The following LYRM4 variants were observed in gnomAD, a reference collection of about 807,000 sequenced individuals.
The protein encoded by LYRM4 is LYR motif-containing protein 4.
Under a neutral mutation model 11.7 loss-of-function variants are expected in LYRM4, and 9 were observed. The observed-to-expected ratio is 0.77, with a 90% CI of 0.46 to 1.34. The LOEUF (loss-of-function observed/expected upper bound fraction) is 1.34. Ranked by LOEUF, LYRM4 falls within the 40% of genes most tolerant of loss-of-function variation. The pLI, the probability that LYRM4 is intolerant of heterozygous loss-of-function variation, is 0.00. For missense variants in LYRM4, 133 were observed against 112.5 expected (o/e 1.18, Z -0.82); for synonymous variants, 42 against 40.4 (o/e 1.04, Z -0.15).
chr6:5,217,833 T>C lies in LYRM4; in HGVS notation c.87-1095A>G, dbSNP rs924254708. Among the ~76,000 whole-genome samples, 4 of 152,156 alleles carry C rather than the reference T, an allele frequency of 2.6e-5. No homozygotes were observed. The South Asian group carries it at 8.3e-4, about 31-fold the overall frequency. ...GATGGCTATGGCCTATCTCTAGCTC[T>C]ACCCCAACTACTCCAGATTGAAAGG... On this transcript the variant is annotated intron_variant, in intron 1 of 2. Coordinates refer to ENST00000330636, the MANE Select transcript of LYRM4 (RefSeq NM_020408.6).
chr6:5,127,861 A>G (rs1763768384), intron 2 of LYRM4, among the ~76,000 whole-genome samples: 1 of 152,088 alleles, frequency 6.6e-6, no homozygotes, highest in African/African-American at 2.4e-5. Flanking sequence ...AAAACCTGTG[A>G]TAAAAACAAC....
At chr6:5,114,286 T>G (rs1763023636) in intron 2 of LYRM4, among the ~76,000 whole-genome samples, 1 of 152,258 alleles carries the variant, frequency 6.6e-6, no homozygotes. Context: ...GAGTGCTTGA[T>G]GACCATGGAG....
intron 2 of LYRM4, among the ~76,000 whole-genome samples, chr6:5,182,025 C>T (rs1760105399): frequency 6.6e-6 from 1 of 152,178 alleles, no homozygotes; most frequent in African/African-American, 2.4e-5. Context: ...AATACCTCCC[C>T]CCCAATCCCC....
In LYRM4 at chr6:5,219,674, ATC is replaced by A. The variant is rs1389377196; in HGVS notation, c.87-2938_87-2937del. Among the ~76,000 whole-genome samples the A allele has an allele frequency of 3.3e-5, 5 of 150,294 alleles. No individual in the cohort carries two copies. The East Asian group carries it at 9.7e-4, about 29-fold the overall frequency. On this transcript the variant is annotated intron_variant, in intron 1 of 2. Coordinates refer to ENST00000330636, the MANE Select transcript of LYRM4 (RefSeq NM_020408.6). Reference sequence around the variant, plus strand: ...AGGGGGCTAATCACCAGTTATTTCAATCCTGGCCCTGCCCTGGTTTTTATCAT... The same window carrying A: ...AGGGGGCTAATCACCAGTTATTTCAACTGGCCCTGCCCTGGTTTTTATCAT...
chr6:5,086,578 A>G, the LYRM4 span: 1 of 1,490,312 alleles, frequency 6.7e-7, no homozygotes, highest in South Asian at 1.3e-5. Context: ...GAGAGTTTCG[A>G]AGAGCCGTGG....
At chr6:5,121,822 G>C (rs574219788) in intron 2 of LYRM4, among the ~76,000 whole-genome samples, 3 of 152,334 alleles carry the variant, frequency 2.0e-5, no homozygotes, top group African/African-American at 7.2e-5. Flanking sequence ...AACCACAGCG[G>C]CAAGGCCAGA....
intron 1 of LYRM4, among the ~76,000 whole-genome samples, chr6:5,256,730 C>T (rs1174915309): frequency 6.6e-6 from 1 of 152,046 alleles, no homozygotes; most frequent in African/African-American, 2.4e-5. Context: ...ACTACCTCTG[C>T]TGGGCATCCC....
chr6:5,122,260 T>C (rs370518698), intron 2 of LYRM4, among the ~76,000 whole-genome samples: 1 of 152,096 alleles, frequency 6.6e-6, no homozygotes. Flanking sequence ...CAGAGAATAA[T>C]CACCCACACT....
At chr6:5,064,306 T>C in the LYRM4 span, among the ~76,000 whole-genome samples, 1 of 152,168 alleles carries the variant, frequency 6.6e-6, no homozygotes, top group Non-Finnish European at 1.5e-5. Flanking sequence ...AGACGTGATA[T>C]CTATGTTTGT....
chr6:5,166,346 G>A (rs1202612045), intron 2 of LYRM4, among the ~76,000 whole-genome samples: 1 of 152,210 alleles, frequency 6.6e-6, no homozygotes, highest in African/African-American at 2.4e-5. Flanking sequence ...ATAAACAGCG[G>A]AGAGCTGAGT....
chr6:5,138,301 T>C (rs1370430508), intron 2 of LYRM4, among the ~76,000 whole-genome samples: 2 of 151,764 alleles, frequency 1.3e-5, no homozygotes, highest in Admixed American at 6.6e-5. Flanking sequence ...CTGGGCAACA[T>C]GACAAAACCC....
chr6:5,250,047 G>T (rs1243079716), intron 1 of LYRM4, among the ~76,000 whole-genome samples: 1 of 152,034 alleles, frequency 6.6e-6, no homozygotes, highest in Non-Finnish European at 1.5e-5. Flanking sequence ...CTGCAACAAA[G>T]AATAATTTAG....
Position 5,260,885 on chromosome 6 carries a change from G to A in LYRM4, c.-152C>T. 7.1e-7 allele frequency: 1 copy of A among 1,411,226 alleles called. No homozygotes were observed. Among genetic ancestry groups the A allele is most frequent in the Non-Finnish European group, 9.2e-7 (1 of 1,089,480 alleles). The allele number at this position is 1,411,226 out of a possible 1,614,324, so 87.4% of individuals were successfully genotyped here. On this transcript the variant is annotated 5_prime_UTR_variant, in exon 1 of 3. Transcript: ENST00000330636. ...GGCCGGGCCTAAGCCTAAGCGGGCAGCCCTGCGGATCGCGGACGGCGCCAG... is the reference window on the plus strand; with the variant it reads ...GGCCGGGCCTAAGCCTAAGCGGGCAACCCTGCGGATCGCGGACGGCGCCAG...
At chr6:5,079,472 C>T in the LYRM4 span, among the ~76,000 whole-genome samples, 1 of 152,332 alleles carries the variant, frequency 6.6e-6, no homozygotes, top group South Asian at 2.1e-4. Context: ...TTGCTTCCAG[C>T]TCAAAATAAT....
intron 1 of LYRM4, among the ~76,000 whole-genome samples, chr6:5,220,993 G>C (rs1369773081): frequency 6.6e-6 from 1 of 152,064 alleles, no homozygotes; most frequent in Non-Finnish European, 1.5e-5. Flanking sequence ...ACCATGACCT[G>C]CTAATTTTCA....
chr6:5,109,583 A>C, intron 2 of LYRM4, 92 bp from the exon 3 acceptor site: 1 of 1,325,120 alleles, frequency 7.5e-7, no homozygotes, highest in Non-Finnish European at 1.1e-6. Context: ...TTCTAATACA[A>C]ACGTCGGCCA....
intron 2 of LYRM4, among the ~76,000 whole-genome samples, chr6:5,209,392 C>CT (rs1278746255): frequency 6.6e-6 from 1 of 152,104 alleles, no homozygotes; most frequent in Non-Finnish European, 1.5e-5. Context: ...TCTATTATTA[C>CT]TTTTTTATTA....
At chr6:5,101,610 C>CA (rs1414613053), downstream of LYRM4, among the ~76,000 whole-genome samples, 1 of 152,136 alleles carries the variant, frequency 6.6e-6, no homozygotes, top group Non-Finnish European at 1.5e-5. Context: ...CTGGGGGCTG[C>CA]ATATAGTTGA....
chr6:5,246,000 C>T (rs1349094504), intron 1 of LYRM4, among the ~76,000 whole-genome samples: 1 of 152,098 alleles, frequency 6.6e-6, no homozygotes, highest in East Asian at 1.9e-4. Context: ...CAATAAGAAA[C>T]AACTATAGTT....
Sources: allele counts gnomAD v4.1 joint callset (sites outside exome capture counted in the v4.1 genomes callset), GRCh38; gene constraint gnomAD v4.1.1; transcripts MANE v1.5; gene names NCBI Gene and HGNC (gene_info 2026-07-23, HGNC 2026-07-21).